Variants in TIAM2 observed in about 807,000 individuals in gnomAD.
TIAM2 encodes the protein TIAM Rac1 associated GEF 2.
In TIAM2, 80 loss-of-function variants were observed where a neutral mutation model predicts 152.9. That is an observed-to-expected ratio of 0.52 (90% CI 0.44 to 0.63). The LOEUF (loss-of-function observed/expected upper bound fraction) is 0.63, where lower values mean the gene tolerates loss of function less well. Ranked by LOEUF, TIAM2 falls within the 30% of genes least tolerant of loss-of-function variation. TIAM2 has a pLI of 0.00. For synonymous variants in TIAM2, 804 were observed against 838.0 expected (o/e 0.96, Z 0.70); for missense variants, 1,965 against 2,120.1 (o/e 0.93, Z 1.44).
rs780574751 is a variant in TIAM2 at position 155,148,250 on chromosome 6, C to T, written c.1944C>T (p.Asp648=). ...NQTKNLLQKI[D]MDSKMKKMAE... is the part of the protein sequence containing the mutation. ...CCAAAAACCTGCTTCAGAAGATAGACATGGACAGCAAGATGAAGAAGATGG... is the reference window on the plus strand; with the variant it reads ...CCAAAAACCTGCTTCAGAAGATAGATATGGACAGCAAGATGAAGAAGATGG... The change falls in exon 7 of 27, where the codon GAC becomes GAT. Residue 648 remains aspartate, a synonymous_variant. Coordinates refer to ENST00000682666, the MANE Select transcript of TIAM2 (RefSeq NM_012454.4). 1.2e-6 allele frequency: 2 copies of T among 1,612,782 alleles called. No homozygotes were observed. The highest frequency in any genetic ancestry group is 1.7e-6 in the Non-Finnish European group (2 of 1,180,022).
chr6:155,191,718 C>T (rs1781209659), intron 14 of TIAM2, among the ~76,000 whole-genome samples: 1 of 151,954 alleles, frequency 6.6e-6, no homozygotes, highest in African/African-American at 2.4e-5. Flanking sequence ...TCGCTTGAAC[C>T]CAGGAGGTGG....
chr6:155,087,756 GAAAT>G (rs1212788051), intron 1 of TIAM2, among the ~76,000 whole-genome samples: 4 of 151,974 alleles, frequency 2.6e-5, no homozygotes, highest in African/African-American at 9.7e-5. Flanking sequence ...CTCAAAAAAT[GAAAT>G]AAATAAAATA....
chr6:155,202,858 C>G (rs1376111471), intron 14 of TIAM2, among the ~76,000 whole-genome samples: 12 of 126,234 alleles, frequency 9.5e-5, no homozygotes. Flanking sequence ...GCCAACATGG[C>G]AAAACCCCAT....
At chr6:155,256,288 A>T in intron 26 of TIAM2, 196 bp from the exon 27 acceptor site, 1 of 744,900 alleles carries the variant, frequency 1.3e-6, no homozygotes, top group Non-Finnish European at 2.1e-6. Context: ...TGCCTAACTT[A>T]CAACTGTAAA....
chr6:155,045,279 G>T (rs1161325324), intron 1 of TIAM2, among the ~76,000 whole-genome samples: 1 of 151,886 alleles, frequency 6.6e-6, no homozygotes, highest in Non-Finnish European at 1.5e-5. Flanking sequence ...GGCCAGATTG[G>T]TCTCAAACTC....
At chr6:155,233,255 T>G (rs1782571468) in intron 15 of TIAM2, among the ~76,000 whole-genome samples, 1 of 152,206 alleles carries the variant, frequency 6.6e-6, no homozygotes, top group South Asian at 2.1e-4. Flanking sequence ...GTGATGTCTC[T>G]GAATAAGACA....
intron 26 of TIAM2, chr6:155,255,816 T>G (rs972836221): frequency 2.0e-5 from 3 of 152,602 alleles, no homozygotes; most frequent in Admixed American, 6.5e-5. Context: ...GAGACCAACC[T>G]GGGCAACATG....
intron 10 of TIAM2, among the ~76,000 whole-genome samples, chr6:155,178,132 G>A (rs914440962): frequency 7.0e-6 from 1 of 142,678 alleles, no homozygotes; most frequent in Non-Finnish European, 1.5e-5. Flanking sequence ...CTGCACCCCA[G>A]CCTGGGCGAC....
intron 16 of TIAM2, 53 bp from the exon 17 acceptor site, chr6:155,243,958 T>G: frequency 6.7e-7 from 1 of 1,492,446 alleles, no homozygotes; most frequent in Non-Finnish European, 9.3e-7. Context: ...CCAAATCTCA[T>G]GGGTATTTTG....
At chr6:155,096,586 C>T (rs987405088) in intron 2 of TIAM2, among the ~76,000 whole-genome samples, 4 of 152,006 alleles carry the variant, frequency 2.6e-5, no homozygotes, top group Non-Finnish European at 5.9e-5. Context: ...TTTTATCTCC[C>T]ACATGTAAGT....
intron 8 of TIAM2, among the ~76,000 whole-genome samples, chr6:155,164,863 T>G (rs1180701907): frequency 6.6e-6 from 1 of 152,178 alleles, no homozygotes; most frequent in Admixed American, 6.5e-5. Flanking sequence ...TTCTGTGTAT[T>G]CCACCATCAG....
chr6:155,028,476 A>G (rs992715284), intron 1 of TIAM2, among the ~76,000 whole-genome samples: 7 of 131,492 alleles, frequency 5.3e-5, no homozygotes, highest in South Asian at 2.4e-4. Context: ...ATACTGTGTT[A>G]CATATACTAC....
rs2274824 is a variant in TIAM2, at chr6:155,253,073, T to C, written c.4225+20T>C. On this transcript the variant is annotated intron_variant, in intron 24 of 26. Coordinates refer to ENST00000682666, the MANE Select transcript of TIAM2 (RefSeq NM_012454.4). ...CAGCAGGTAACTGTTTCGTGCAGTATGATGCCAGAAAAAGCATTTTAGTAG... is the reference window on the plus strand; with the variant it reads ...CAGCAGGTAACTGTTTCGTGCAGTACGATGCCAGAAAAAGCATTTTAGTAG... 1,154,854 of 1,600,264 alleles carry C rather than the reference T, an allele frequency of 0.72. 424,908 individuals carry two copies. The highest frequency in any genetic ancestry group is 0.76 in the Non-Finnish European group (885,148 of 1,168,396).
intron 7 of TIAM2, 67 bp from the exon 8 acceptor site, chr6:155,164,348 C>A (rs1444202564): frequency 2.1e-6 from 3 of 1,437,900 alleles, no homozygotes; most frequent in East Asian, 2.3e-5. Context: ...TGAAAGGGAT[C>A]ACATTTTCGT....
chr6:155,104,698 C>T (rs939639897), intron 2 of TIAM2, among the ~76,000 whole-genome samples: 3 of 149,358 alleles, frequency 2.0e-5, no homozygotes, highest in Non-Finnish European at 3.0e-5. Context: ...CGGAGGTTGC[C>T]GTGAGCCGAG....
intron 1 of TIAM2, among the ~76,000 whole-genome samples, chr6:155,031,601 A>G (rs375598179): frequency 2.6e-5 from 4 of 152,016 alleles, no homozygotes; most frequent in Non-Finnish European, 5.9e-5. Context: ...GCACGCACCT[A>G]TAGTCCCAGC....
intron 7 of TIAM2, among the ~76,000 whole-genome samples, chr6:155,161,335 T>C (rs1025894119): frequency 6.6e-6 from 1 of 152,128 alleles, no homozygotes; most frequent in African/African-American, 2.4e-5. Flanking sequence ...CATGCCACCA[T>C]GCTTGGCTAA....
intron 1 of TIAM2, among the ~76,000 whole-genome samples, chr6:155,055,273 G>C (rs895574806): frequency 1.3e-5 from 2 of 152,156 alleles, no homozygotes; most frequent in Non-Finnish European, 2.9e-5. Flanking sequence ...CAGCAGTTTA[G>C]ACATTCCAGC....
chr6:155,216,721 T>G, intron 15 of TIAM2: 1 of 221,568 alleles, frequency 4.5e-6, no homozygotes, highest in Non-Finnish European at 8.8e-6. Flanking sequence ...CCCACAGACA[T>G]GCTGCCTGCA....
Sources: gnomAD v4.1 joint callset for allele counts (sites outside exome capture counted in the v4.1 genomes callset) on GRCh38, gnomAD v4.1.1 for gene constraint, MANE v1.5 for transcripts, NCBI Gene and HGNC (gene_info 2026-07-23, HGNC 2026-07-21) for gene names.